The following ARHGAP15 variants were observed in gnomAD, a reference collection of about 807,000 sequenced individuals.
ARHGAP15 encodes the protein rho GTPase-activating protein 15.
ARHGAP15 carries 51 observed loss-of-function variants against 63.7 expected under a neutral mutation model. The ratio of observed to expected loss-of-function variants is 0.80; its 90% CI spans 0.64 to 1.01. The LOEUF is 1.01. Among genes scored for constraint, ARHGAP15 ranks in the 50% least tolerant of loss-of-function variants. The pLI, the probability that ARHGAP15 is intolerant of heterozygous loss-of-function variation, is 0.00. For missense variants in ARHGAP15, 560 were observed against 564.6 expected (o/e 0.99, Z 0.08); for synonymous variants, 191 against 193.8 (o/e 0.99, Z 0.12).
At chr2:143,433,414 T>C (rs1393364361) in intron 6 of ARHGAP15, among the ~76,000 whole-genome samples, 1 of 152,094 alleles carries the variant, frequency 6.6e-6, no homozygotes, top group African/African-American at 2.4e-5. Flanking sequence ...ATCTCTCTGA[T>C]AGTATGTTTT....
At chr2:143,680,968 C>T (rs1683072321) in intron 12 of ARHGAP15, among the ~76,000 whole-genome samples, 1 of 152,184 alleles carries the variant, frequency 6.6e-6, no homozygotes, top group Non-Finnish European at 1.5e-5. Flanking sequence ...AATTCTAAAT[C>T]TCTTCATAGT....
intron 6 of ARHGAP15, among the ~76,000 whole-genome samples, chr2:143,346,156 A>G (rs943652032): frequency 4.6e-5 from 5 of 108,476 alleles, no homozygotes; most frequent in Admixed American, 1.0e-4. Context: ...ACAAATGAGC[A>G]CACACACACA....
rs1338595582 is a variant in ARHGAP15 at position 143,638,593 on chromosome 2, T to C, written c.1138+14326T>C. On this transcript the variant is annotated intron_variant, in intron 12 of 13. Transcript: ENST00000295095. Reference sequence around the variant, plus strand: ...GTGCAGCGCACCAGCATGGCACATGTATACATATGTAACTAACCTGCACAA... The same window carrying C: ...GTGCAGCGCACCAGCATGGCACATGCATACATATGTAACTAACCTGCACAA... 4.2e-3 allele frequency among the ~76,000 whole-genome samples: 630 copies of C among 148,966 alleles called. 8 individuals carry two copies. The highest frequency in any genetic ancestry group is 0.014 in the African/African-American group (585 of 40,382).
At chr2:143,640,169 T>C (rs1425506797) in intron 12 of ARHGAP15, among the ~76,000 whole-genome samples, 1 of 152,118 alleles carries the variant, frequency 6.6e-6, no homozygotes, top group Non-Finnish European at 1.5e-5. Context: ...TACTGATCTT[T>C]GTAGTTCCGG....
intron 10 of ARHGAP15, among the ~76,000 whole-genome samples, chr2:143,536,974 G>C (rs1036150875): frequency 1.3e-5 from 2 of 152,112 alleles, no homozygotes; most frequent in South Asian, 2.1e-4. Context: ...GGTTGAACTA[G>C]TTTACAGTCC....
At chr2:143,213,962 T>A (rs1304383179) in intron 3 of ARHGAP15, among the ~76,000 whole-genome samples, 4 of 152,240 alleles carry the variant, frequency 2.6e-5, no homozygotes, top group African/African-American at 4.8e-5. Context: ...GGGGAAATGT[T>A]ACTTATGTAT....
At chr2:143,526,070 T>A (rs541998967) in intron 10 of ARHGAP15, among the ~76,000 whole-genome samples, 1 of 152,264 alleles carries the variant, frequency 6.6e-6, no homozygotes, top group Admixed American at 6.5e-5. Flanking sequence ...ACCTTGCAAT[T>A]TATGGCATGC....
chr2:143,553,831 A>C (rs890795204), intron 10 of ARHGAP15, among the ~76,000 whole-genome samples: 6 of 152,368 alleles, frequency 3.9e-5, no homozygotes, highest in Admixed American at 3.9e-4. Flanking sequence ...GTTAAAAACC[A>C]GTTTACAATT....
At chr2:143,473,962 G>A (rs918307278) in intron 8 of ARHGAP15, among the ~76,000 whole-genome samples, 4 of 152,100 alleles carry the variant, frequency 2.6e-5, no homozygotes, top group Non-Finnish European at 5.9e-5. Flanking sequence ...GAAGAAGACC[G>A]AAATCTCAGC....
chr2:143,596,502 T>G (rs764966938), intron 11 of ARHGAP15, among the ~76,000 whole-genome samples: 13 of 152,120 alleles, frequency 8.5e-5, no homozygotes, highest in Non-Finnish European at 1.9e-4. Context: ...CAAGGAGGTC[T>G]TGTGTCACCC....
chr2:143,700,899 C>T lies in ARHGAP15; in HGVS notation c.1139-2520C>T, dbSNP rs1456802743. Among the ~76,000 whole-genome samples, 9 of 152,290 alleles carry T rather than the reference C, an allele frequency of 5.9e-5. No individual in the cohort carries two copies. In the East Asian group the frequency reaches 1.7e-3, roughly 29 times the overall value. On this transcript the variant is annotated intron_variant, in intron 12 of 13. Coordinates refer to ENST00000295095, the MANE Select transcript of ARHGAP15 (RefSeq NM_018460.4). Reference sequence around the variant, plus strand: ...CCCCAGTTGGTCTTGTGAAGCATCACATTTTCTTACCATCATTAAGCTCCA... The same window carrying T: ...CCCCAGTTGGTCTTGTGAAGCATCATATTTTCTTACCATCATTAAGCTCCA...
chr2:143,482,976 C>A (rs538412265), intron 8 of ARHGAP15, among the ~76,000 whole-genome samples: 14 of 152,144 alleles, frequency 9.2e-5, no homozygotes, highest in Non-Finnish European at 1.9e-4. Flanking sequence ...TGGAAGTTGA[C>A]GTTCTAGTCT....
chr2:143,295,410 G>T (rs1031584481), intron 6 of ARHGAP15: 2 of 142,320 alleles, frequency 1.4e-5, no homozygotes, highest in African/African-American at 5.4e-5. Context: ...TCATCTCAAG[G>T]AAGTTAGATT....
At chr2:143,400,398 G>T (rs1007361775) in intron 6 of ARHGAP15, among the ~76,000 whole-genome samples, 3 of 151,930 alleles carry the variant, frequency 2.0e-5, no homozygotes, top group African/African-American at 2.4e-5. Context: ...AAGCAAGAAA[G>T]AAGAGTTATC....
chr2:143,616,527 C>G (rs895376669), intron 11 of ARHGAP15, among the ~76,000 whole-genome samples: 2 of 152,268 alleles, frequency 1.3e-5, no homozygotes, highest in Non-Finnish European at 1.5e-5. Context: ...CGAAAGCAAG[C>G]TAACGTGGCG....
At position 143,487,486 on chromosome 2, in the gene ARHGAP15, C is replaced by T; in HGVS notation, c.817C>T (p.Leu273Phe). 1.9e-6 allele frequency: 3 copies of T among 1,612,386 alleles called. No individual in the cohort carries two copies. Among genetic ancestry groups the T allele is most frequent in the Non-Finnish European group, 8.5e-7 (1 of 1,179,468 alleles). ...PSLKTLQEKG[L>F]IKDQIFGSHL... The stretch of plus-strand genomic sequence containing the variant: ...CCTGAAAACTCTGCAAGAAAAAGGA[C>T]TTATTAAAGGTACAGGTCATTTTAT... Residue 273 changes from leucine (L) to phenylalanine (F), a missense_variant, in exon 9 of 14, where the codon CTT becomes TTT. Transcript: ENST00000295095.
At chr2:143,287,753 A>C (rs1682178323) in intron 6 of ARHGAP15, among the ~76,000 whole-genome samples, 1 of 152,118 alleles carries the variant, frequency 6.6e-6, no homozygotes, top group South Asian at 2.1e-4. Flanking sequence ...CAGTAAGCTG[A>C]GATCGCGCCA....
chr2:143,557,304 C>G (rs1449738253), intron 11 of ARHGAP15, among the ~76,000 whole-genome samples: 2 of 151,898 alleles, frequency 1.3e-5, no homozygotes, highest in East Asian at 3.9e-4. Flanking sequence ...GAATATTATT[C>G]AGGGATGAAA....
At chr2:143,710,376 A>G (rs1288709586) in intron 13 of ARHGAP15, among the ~76,000 whole-genome samples, 1 of 152,166 alleles carries the variant, frequency 6.6e-6, no homozygotes, top group Non-Finnish European at 1.5e-5. Flanking sequence ...GCGAGGGTGA[A>G]GCAATAGTTC....
Sources: allele counts gnomAD v4.1 joint callset (sites outside exome capture counted in the v4.1 genomes callset), GRCh38; gene constraint gnomAD v4.1.1; transcripts MANE v1.5; gene names NCBI Gene and HGNC (gene_info 2026-07-23, HGNC 2026-07-21).